Variants in SH3PXD2A observed in about 807,000 individuals in gnomAD.
SH3PXD2A encodes the protein SH3 and PX domain-containing protein 2A.
SH3PXD2A carries 32 observed loss-of-function variants against 115.2 expected under a neutral mutation model. The ratio of observed to expected loss-of-function variants is 0.28; its 90% CI spans 0.21 to 0.37. The LOEUF (loss-of-function observed/expected upper bound fraction) is 0.37. Among genes scored for constraint, SH3PXD2A ranks in the 10% least tolerant of loss-of-function variants. The probability of loss-of-function intolerance (pLI) is 1.00; values close to 1 mark genes in which losing one functional copy is unlikely to be tolerated. For missense variants in SH3PXD2A, 1,328 were observed against 1,498.7 expected, an observed-to-expected ratio of 0.89 and a Z score of 1.88; for synonymous variants, 610 against 629.1, an observed-to-expected ratio of 0.97 and a Z score of 0.45.
At chr10:103,844,788 C>G (rs1842824039) in intron 1 of SH3PXD2A, among the ~76,000 whole-genome samples, 1 of 152,166 alleles carries the variant, frequency 6.6e-6, no homozygotes, top group African/African-American at 2.4e-5. Context: ...ACCTTCATGG[C>G]CACCCTGGGG....
intron 5 of SH3PXD2A, among the ~76,000 whole-genome samples, chr10:103,707,144 G>A (rs1388609085): frequency 6.6e-6 from 1 of 152,072 alleles, no homozygotes; most frequent in East Asian, 1.9e-4. Flanking sequence ...TTGTACCTAG[G>A]AAGTGATACT....
At chr10:103,743,269 A>G (rs1433590375) in intron 3 of SH3PXD2A, among the ~76,000 whole-genome samples, 1 of 151,594 alleles carries the variant, frequency 6.6e-6, no homozygotes, top group Non-Finnish European at 1.5e-5. Context: ...AAAACAAAAC[A>G]CAAACGACCC....
chr10:103,602,357 G>C lies in SH3PXD2A; in HGVS notation c.2861C>G (p.Pro954Arg), dbSNP rs747434163. 6.2e-7 allele frequency: 1 copy of C among 1,613,698 alleles called. No individual in the cohort carries two copies. The highest frequency in any genetic ancestry group is 1.7e-5 in the Admixed American group (1 of 60,012). Residue 954 changes from proline (P) to arginine (R), a missense_variant, in exon 15 of 15, where the codon CCC (proline) becomes CGC (arginine). Physicochemically the swap from Pro to Arg is moderately radical, Grantham distance 103. This residue lies in a region of SH3PXD2A where 574 missense variants were observed against 565.7 expected (regional missense o/e 1.01). Transcript: ENST00000369774. ...GCCTGAGGTCTTGCCGAAGCCCCCG[G>C]GAGGTTTGGAGGGGATGGGGGGCGT... ...KATPPIPSKPPGGFGKTSGTP... is the reference protein window; with the variant it reads ...KATPPIPSKPRGGFGKTSGTP...
rs776445357 is a variant in SH3PXD2A, at chr10:103,605,829, C to G, written c.1397G>C (p.Gly466Ala). ...CTTCTGTCCACCCCGAAAGCTGATG[C>G]CATCGGAAATGCACGACTGGAATTC... ...IAEFQSCISD[G>A]ISFRGGQKAE... Residue 466 changes from glycine (G) to alanine (A), a missense_variant, in exon 14 of 15, where the codon GGC becomes GCC. Transcript: ENST00000369774. The G allele has an allele frequency of 1.9e-6, 3 of 1,613,836 alleles. No individual in the cohort carries two copies. Among genetic ancestry groups the G allele is most frequent in the Non-Finnish European group, 1.7e-6 (2 of 1,179,688 alleles).
intron 8 of SH3PXD2A, among the ~76,000 whole-genome samples, chr10:103,643,349 G>C: frequency 6.6e-6 from 1 of 152,216 alleles, no homozygotes; most frequent in Middle Eastern, 3.2e-3. Flanking sequence ...CAATGAACCT[G>C]AGTAACACCT....
intron 1 of SH3PXD2A, among the ~76,000 whole-genome samples, chr10:103,810,800 T>A (rs1237550392): frequency 6.6e-6 from 1 of 151,276 alleles, no homozygotes. Flanking sequence ...GAGCAGGAAG[T>A]AGGGCACAGG....
chr10:103,663,201 C>T (rs1337532987), intron 7 of SH3PXD2A, among the ~76,000 whole-genome samples: 6 of 152,214 alleles, frequency 3.9e-5, no homozygotes, highest in Non-Finnish European at 8.8e-5. Context: ...TCCACACAGC[C>T]CCCTTGGTGC....
At chr10:103,809,257 T>C (rs1353072086) in intron 1 of SH3PXD2A, among the ~76,000 whole-genome samples, 1 of 152,142 alleles carries the variant, frequency 6.6e-6, no homozygotes, top group Non-Finnish European at 1.5e-5. Context: ...TAGTACACAC[T>C]CACGGGTTGA....
chr10:103,644,015 TGAGGTAA>T (rs892905548), intron 8 of SH3PXD2A, among the ~76,000 whole-genome samples: 1 of 145,852 alleles, frequency 6.9e-6, no homozygotes, highest in African/African-American at 2.6e-5. Context: ...CTGGGGAGGC[TGAGGTAA>T]GAGAATGGTG....
intron 2 of SH3PXD2A, among the ~76,000 whole-genome samples, chr10:103,780,103 G>A (rs1334693266): frequency 1.3e-5 from 2 of 152,176 alleles, no homozygotes; most frequent in Non-Finnish European, 2.9e-5. Context: ...ACTGAAATCT[G>A]GGACAAAGAG....
chr10:103,745,227 G>A (rs566620939), intron 3 of SH3PXD2A, among the ~76,000 whole-genome samples: 2 of 152,248 alleles, frequency 1.3e-5, no homozygotes, highest in African/African-American at 2.4e-5. Flanking sequence ...AGACAGCAAA[G>A]CTGAGGGCTT....
chr10:103,636,375 C>G (rs1403126191), intron 8 of SH3PXD2A, among the ~76,000 whole-genome samples: 2 of 149,646 alleles, frequency 1.3e-5, no homozygotes, highest in South Asian at 4.3e-4. Flanking sequence ...TACCACTGCA[C>G]TCCAGCCTGG....
intron 13 of SH3PXD2A, 94 bp downstream of exon 13, chr10:103,611,487 A>T (rs1210139953): frequency 8.4e-7 from 1 of 1,184,458 alleles, no homozygotes; most frequent in Middle Eastern, 2.0e-4. Flanking sequence ...CCCCTGGATC[A>T]AGAGGCTCTG....
intron 10 of SH3PXD2A, among the ~76,000 whole-genome samples, chr10:103,619,061 A>G (rs1367043836): frequency 6.6e-6 from 1 of 152,236 alleles, no homozygotes; most frequent in East Asian, 1.9e-4. Context: ...GTGATGACCC[A>G]TGGGAGCCTG....
At chr10:103,793,252 A>C (rs955929718) in intron 2 of SH3PXD2A, among the ~76,000 whole-genome samples, 1 of 152,202 alleles carries the variant, frequency 6.6e-6, no homozygotes, top group Non-Finnish European at 1.5e-5. Context: ...ACCAATCTGG[A>C]GTACAGCCTT....
intron 5 of SH3PXD2A, among the ~76,000 whole-genome samples, chr10:103,695,770 T>G (rs11191770): frequency 6.6e-6 from 1 of 152,012 alleles, no homozygotes; most frequent in Non-Finnish European, 1.5e-5. Flanking sequence ...GAAACATTTA[T>G]GCTCAGTAAG....
chr10:103,631,011 T>C (rs1268389306), intron 8 of SH3PXD2A, among the ~76,000 whole-genome samples: 1 of 152,270 alleles, frequency 6.6e-6, no homozygotes, highest in South Asian at 2.1e-4. Flanking sequence ...TTTTTTCCTA[T>C]ACATACATGC....
At chr10:103,748,413 C>T (rs56149148) in intron 3 of SH3PXD2A, among the ~76,000 whole-genome samples, 18,200 of 152,108 alleles carry the variant, frequency 0.12, 1,156 homozygotes, top group African/African-American at 0.16. Context: ...GCTTTCCTGA[C>T]GGGGTACATC....
chr10:103,644,407 T>C (rs2037004328), intron 8 of SH3PXD2A, among the ~76,000 whole-genome samples: 1 of 151,920 alleles, frequency 6.6e-6, no homozygotes, highest in Non-Finnish European at 1.5e-5. Context: ...TGGTGAAACC[T>C]TGTCTCTACT....
Sources: allele counts gnomAD v4.1 joint callset (sites outside exome capture counted in the v4.1 genomes callset), GRCh38; gene constraint gnomAD v4.1.1; regional missense constraint gnomAD v4.1.1; transcripts MANE v1.5; gene names NCBI Gene and HGNC (gene_info 2026-07-23, HGNC 2026-07-21).